PCSK6: variants seen among roughly 807,000 people sequenced by gnomAD.
The protein encoded by PCSK6 is proprotein convertase subtilisin/kexin type 6.
A neutral mutation model predicts 123.3 loss-of-function variants in PCSK6; 85 were observed. That is an observed-to-expected ratio of 0.69 (90% CI 0.58 to 0.83). PCSK6 has a LOEUF of 0.83. PCSK6 is among the 40% of genes least tolerant of loss of function. The pLI, the probability that PCSK6 is intolerant of heterozygous loss-of-function variation, is 0.00. For missense variants in PCSK6, 1,191 were observed against 1,282.3 expected, an observed-to-expected ratio of 0.93 and a Z score of 1.09; for synonymous variants, 508 against 516.0, an observed-to-expected ratio of 0.98 and a Z score of 0.21.
At chr15:101,425,560 G>C (rs536922593) in intron 6 of PCSK6, among the ~76,000 whole-genome samples, 1 of 152,184 alleles carries the variant, frequency 6.6e-6, no homozygotes, top group Non-Finnish European at 1.5e-5. Context: ...ACTATTTTCT[G>C]TATAATGTAT....
intron 13 of PCSK6, among the ~76,000 whole-genome samples, chr15:101,340,056 T>C (rs1294089119): frequency 6.6e-6 from 1 of 152,136 alleles, no homozygotes; most frequent in African/African-American, 2.4e-5. Flanking sequence ...GTTCACATTA[T>C]GGCAAGTAAG....
chr15:101,461,213 A>G (rs1421249384), intron 1 of PCSK6, among the ~76,000 whole-genome samples: 1 of 152,230 alleles, frequency 6.6e-6, no homozygotes, highest in Non-Finnish European at 1.5e-5. Context: ...GTTTAAAAAC[A>G]ATAAGGAAAC....
At chr15:101,405,714 G>A (rs139436700) in intron 6 of PCSK6, among the ~76,000 whole-genome samples, 80 of 149,320 alleles carry the variant, frequency 5.4e-4, no homozygotes, top group East Asian at 4.7e-3. Flanking sequence ...CTTTTTTTCC[G>A]TAGTGACCTG....
intron 5 of PCSK6, among the ~76,000 whole-genome samples, chr15:101,429,615 A>G (rs1213531127): frequency 6.6e-6 from 1 of 152,238 alleles, no homozygotes; most frequent in Non-Finnish European, 1.5e-5. Flanking sequence ...AAGCTCAGGC[A>G]CGTGACCTGT....
chr15:101,459,630 A>G (rs1051103757), intron 1 of PCSK6, among the ~76,000 whole-genome samples: 1 of 146,576 alleles, frequency 6.8e-6, no homozygotes, highest in Non-Finnish European at 1.5e-5. Context: ...CTCCCAGGTA[A>G]CTGACTCTGC....
intron 6 of PCSK6, among the ~76,000 whole-genome samples, chr15:101,411,206 C>T (rs1170999236): frequency 2.6e-5 from 4 of 152,104 alleles, no homozygotes; most frequent in Non-Finnish European, 5.9e-5. Context: ...GGGAACAATT[C>T]CAGAGCTGAG....
chr15:101,396,344 G>C (rs1272814179), intron 7 of PCSK6, among the ~76,000 whole-genome samples: 1 of 152,064 alleles, frequency 6.6e-6, no homozygotes, highest in East Asian at 1.9e-4. Context: ...GTGAACCAGA[G>C]AGCCCGAACG....
intron 21 of PCSK6, 112 bp downstream of exon 21, chr15:101,307,101 G>T: frequency 1.4e-6 from 1 of 722,152 alleles, no homozygotes; most frequent in Non-Finnish European, 2.4e-6. Flanking sequence ...GGGCACGAAC[G>T]CCTGTCTGTG....
chr15:101,414,341 T>G (rs2055810777), intron 6 of PCSK6, among the ~76,000 whole-genome samples: 1 of 151,790 alleles, frequency 6.6e-6, no homozygotes, highest in Non-Finnish European at 1.5e-5. Flanking sequence ...TCTAGTAAAA[T>G]AAAAAAATCA....
chr15:101,489,288 G>C (rs2058103078), intron 1 of PCSK6, 86 bp downstream of exon 1: 2 of 871,602 alleles, frequency 2.3e-6, no homozygotes, highest in Non-Finnish European at 2.8e-6. Flanking sequence ...GCCGGGGCCG[G>C]GCGGACAGGA....
intron 1 of PCSK6, among the ~76,000 whole-genome samples, chr15:101,452,437 C>CT (rs2057059471): frequency 6.6e-6 from 1 of 152,166 alleles, no homozygotes; most frequent in South Asian, 2.1e-4. Flanking sequence ...TCCAATGCCT[C>CT]TTGAGTATTC....
intron 1 of PCSK6, among the ~76,000 whole-genome samples, chr15:101,473,987 C>T (rs1306054663): frequency 2.0e-5 from 3 of 152,180 alleles, no homozygotes; most frequent in Non-Finnish European, 2.9e-5. Context: ...GCCTCTGAAA[C>T]AAATCTAACT....
intron 3 of PCSK6, 97 bp downstream of exon 3, chr15:101,431,893 T>C: frequency 1.2e-6 from 1 of 842,812 alleles, no homozygotes; most frequent in Non-Finnish European, 2.0e-6. Flanking sequence ...TGTCTGGAGA[T>C]GTTGTTTGAA....
At chr15:101,462,183 C>T (rs73483178) in intron 1 of PCSK6, among the ~76,000 whole-genome samples, 2,471 of 152,240 alleles carry the variant, frequency 0.016, 30 homozygotes, top group Non-Finnish European at 0.027. Flanking sequence ...ATCAACTGCA[C>T]GTCTATATAC....
intron 1 of PCSK6, among the ~76,000 whole-genome samples, chr15:101,482,013 C>T (rs903161329): frequency 5.9e-5 from 9 of 152,312 alleles, no homozygotes; most frequent in African/African-American, 1.7e-4. Context: ...CGCATGTGCA[C>T]GCACCCGGTG....
intron 1 of PCSK6, among the ~76,000 whole-genome samples, chr15:101,460,084 G>T (rs1406040300): frequency 2.0e-5 from 3 of 151,892 alleles, no homozygotes; most frequent in East Asian, 3.9e-4. Flanking sequence ...ACAGCCACAT[G>T]GCCACCACTA....
chr15:101,395,683 T>G (rs914247810), intron 7 of PCSK6, among the ~76,000 whole-genome samples: 2 of 152,182 alleles, frequency 1.3e-5, no homozygotes, highest in South Asian at 4.1e-4. Flanking sequence ...GCCATGAACT[T>G]GCACTTCTTT....
At chr15:101,379,269 C>T (rs995063531) in intron 11 of PCSK6, among the ~76,000 whole-genome samples, 6 of 152,216 alleles carry the variant, frequency 3.9e-5, no homozygotes, top group African/African-American at 1.2e-4. Context: ...AGGTTTCCTG[C>T]CCCTGCCCGT....
At chr15:101,425,267 C>T (rs1036968160) in intron 6 of PCSK6, among the ~76,000 whole-genome samples, 9 of 152,168 alleles carry the variant, frequency 5.9e-5, no homozygotes, top group African/African-American at 2.2e-4. Flanking sequence ...CCCAAGGATC[C>T]AGTGATAGCC....
Sources: gnomAD v4.1 joint callset for allele counts (sites outside exome capture counted in the v4.1 genomes callset) on GRCh38, gnomAD v4.1.1 for gene constraint, MANE v1.5 for transcripts, NCBI Gene and HGNC (gene_info 2026-07-23, HGNC 2026-07-21) for gene names.